Variants in GPHN observed in about 807,000 individuals in gnomAD.
GPHN encodes gephyrin.
In GPHN, 17 loss-of-function variants were observed where a neutral mutation model predicts 95.5. The ratio of observed to expected loss-of-function variants is 0.18; its 90% confidence interval spans 0.12 to 0.27. The LOEUF (loss-of-function observed/expected upper bound fraction) is 0.27. GPHN is among the 10% of genes least tolerant of loss of function. The probability of loss-of-function intolerance (pLI) is 1.00; values close to 1 mark genes in which losing one functional copy is unlikely to be tolerated. For synonymous variants in GPHN, 320 were observed against 322.5 expected, an observed-to-expected ratio of 0.99 and a Z score of 0.08; for missense variants, 660 against 978.1, an observed-to-expected ratio of 0.67 and a Z score of 4.34.
the GPHN span, chr14:67,593,474 G>C: frequency 2.6e-6 from 1 of 378,140 alleles, no homozygotes; most frequent in Non-Finnish European, 4.8e-6. Flanking sequence ...CTGGGCAACA[G>C]AGTGAGACCC....
chr14:67,432,210 C>G, the GPHN span, among the ~76,000 whole-genome samples: 1 of 152,228 alleles, frequency 6.6e-6, no homozygotes, highest in Non-Finnish European at 1.5e-5. Context: ...TCATTATTGT[C>G]TCCACTTACA....
chr14:67,716,044 A>T, the GPHN span, among the ~76,000 whole-genome samples: 1 of 152,046 alleles, frequency 6.6e-6, no homozygotes, highest in East Asian at 1.9e-4. Context: ...AAATACAAAA[A>T]AAATTAGCCG....
At chr14:66,620,227 A>G (rs1467589406) in intron 1 of GPHN, among the ~76,000 whole-genome samples, 1 of 152,208 alleles carries the variant, frequency 6.6e-6, no homozygotes, top group African/African-American at 2.4e-5. Flanking sequence ...CTATGGCTGC[A>G]TAAAGGATCC....
At chr14:66,649,951 C>T (rs1042960162) in intron 1 of GPHN, among the ~76,000 whole-genome samples, 1 of 152,126 alleles carries the variant, frequency 6.6e-6, no homozygotes, top group Non-Finnish European at 1.5e-5. Flanking sequence ...CTGCATTACA[C>T]ACTTTTCTTA....
chr14:67,439,563 T>TTCTTTCTTTC, the GPHN span, among the ~76,000 whole-genome samples: 1 of 139,066 alleles, frequency 7.2e-6, no homozygotes, highest in Non-Finnish European at 1.5e-5. Flanking sequence ...CTTTCTTTCT[T>TTCTTTCTTTC]TCTTTCTTTC....
the GPHN span, among the ~76,000 whole-genome samples, chr14:67,205,491 A>G: frequency 1.3e-5 from 2 of 152,216 alleles, no homozygotes; most frequent in Non-Finnish European, 2.9e-5. Flanking sequence ...GTTTAAAAAT[A>G]TATAGCAGTA....
chr14:67,607,781 T>C, the GPHN span, among the ~76,000 whole-genome samples: 1 of 152,362 alleles, frequency 6.6e-6, no homozygotes, highest in East Asian at 1.9e-4. Flanking sequence ...TAGAGGCCTG[T>C]AAATTAACTG....
chr14:67,514,265 G>A, the GPHN span, among the ~76,000 whole-genome samples: 1 of 152,152 alleles, frequency 6.6e-6, no homozygotes, highest in Non-Finnish European at 1.5e-5. Flanking sequence ...AAAAGAGACA[G>A]TCCCCGGGAA....
intron 10 of GPHN, among the ~76,000 whole-genome samples, chr14:67,057,587 TAAATA>T (rs1477372421): frequency 6.6e-6 from 1 of 152,132 alleles, no homozygotes; most frequent in Non-Finnish European, 1.5e-5. Context: ...CCTGGAACAG[TAAATA>T]AAATAAGTAA....
At chr14:67,100,252 C>T (rs2077623450) in intron 12 of GPHN, among the ~76,000 whole-genome samples, 1 of 152,144 alleles carries the variant, frequency 6.6e-6, no homozygotes, top group Non-Finnish European at 1.5e-5. Context: ...GTTCAGAGTA[C>T]TTTACCTTTT....
chr14:66,745,554 T>C (rs1001932774), intron 2 of GPHN, among the ~76,000 whole-genome samples: 4 of 152,086 alleles, frequency 2.6e-5, no homozygotes, highest in African/African-American at 2.4e-5. Flanking sequence ...AATTTGATAG[T>C]GATATGTCTT....
the GPHN span, among the ~76,000 whole-genome samples, chr14:67,639,096 C>T: frequency 8.5e-5 from 13 of 152,364 alleles, no homozygotes; most frequent in South Asian, 2.1e-3. Context: ...GAATTAGCGA[C>T]TGAAATCCTT....
At chr14:66,817,639 C>T (rs1257776786) in intron 3 of GPHN, among the ~76,000 whole-genome samples, 1 of 152,136 alleles carries the variant, frequency 6.6e-6, no homozygotes, top group Non-Finnish European at 1.5e-5. Context: ...TAAGGTCACT[C>T]ATGTAGCTGA....
the GPHN span, among the ~76,000 whole-genome samples, chr14:67,354,242 A>T: frequency 6.6e-6 from 1 of 152,202 alleles, no homozygotes; most frequent in South Asian, 2.1e-4. Flanking sequence ...TTTATAATCA[A>T]TATCTGGAAT....
At chr14:67,563,962 C>T in the GPHN span, among the ~76,000 whole-genome samples, 2 of 150,478 alleles carry the variant, frequency 1.3e-5, no homozygotes, top group African/African-American at 2.5e-5. Flanking sequence ...AGTGCAGTGG[C>T]ACAATCTCAG....
intron 9 of GPHN, among the ~76,000 whole-genome samples, chr14:67,002,805 A>G (rs960289097): frequency 1.3e-5 from 2 of 151,580 alleles, no homozygotes; most frequent in Non-Finnish European, 3.0e-5. Flanking sequence ...TTATTGTTAT[A>G]TTAAAGGTCC....
chr14:66,676,917 C>A (rs992720019), intron 1 of GPHN, among the ~76,000 whole-genome samples: 1 of 151,818 alleles, frequency 6.6e-6, no homozygotes, highest in African/African-American at 2.4e-5. Context: ...GCTTTTTGGT[C>A]CTGGGCTTTT....
chr14:67,360,397 T>G, the GPHN span: 7 of 395,258 alleles, frequency 1.8e-5, no homozygotes, highest in Admixed American at 2.7e-4. Flanking sequence ...GCAAGTCTGG[T>G]CTCTGTGATT....
rs185839102 is a variant in GPHN, at chr14:66,659,335, T to A, written c.65-21772T>A. On this transcript the variant is annotated intron_variant, in intron 1 of 22. Coordinates refer to ENST00000478722, the MANE Select transcript of GPHN (RefSeq NM_020806.5). ...GGGTATTATTTCAATTATTTTACAA[T>A]AATTGATTTTTCTTTTAAGATACAG... 7.9e-3 allele frequency among the ~76,000 whole-genome samples: 1,201 copies of A among 152,210 alleles called. 25 individuals carry two copies. The highest frequency in any genetic ancestry group is 0.028 in the African/African-American group (1,144 of 41,566).
Sources: allele counts gnomAD v4.1 joint callset (sites outside exome capture counted in the v4.1 genomes callset), GRCh38; gene constraint gnomAD v4.1.1; transcripts MANE v1.5; gene names NCBI Gene and HGNC (gene_info 2026-07-23, HGNC 2026-07-21).